KCNH8: variants seen among roughly 807,000 people sequenced by gnomAD.
KCNH8 encodes voltage-gated delayed rectifier potassium channel KCNH8.
A neutral mutation model predicts 103.6 loss-of-function variants in KCNH8; 70 were observed. The observed-to-expected ratio is 0.68, with a 90% CI of 0.56 to 0.82. The LOEUF (loss-of-function observed/expected upper bound fraction) is 0.82. Among genes scored for constraint, KCNH8 ranks in the 40% least tolerant of loss-of-function variants. KCNH8 has a pLI of 0.00. For synonymous variants in KCNH8, 498 were observed against 489.4 expected, an observed-to-expected ratio of 1.02 and a Z score of -0.23; for missense variants, 1,217 against 1,329.9, an observed-to-expected ratio of 0.92 and a Z score of 1.32.
chr3:19,501,472 A>G (rs935005077), intron 11 of KCNH8, among the ~76,000 whole-genome samples: 8 of 152,004 alleles, frequency 5.3e-5, no homozygotes, highest in African/African-American at 1.7e-4. Context: ...AGACACAACC[A>G]AAAAAGAGAA....
chr3:19,471,737 C>A lies in KCNH8; in HGVS notation c.2040+14755C>A, dbSNP rs188949304. On this transcript the variant is annotated intron_variant, in intron 11 of 15. Transcript: ENST00000328405. Reference sequence around the variant, plus strand: ...GGAGATCAATTACTGGAATTTAAGTCCCAAACCACCTGACTTCAAAACCCA... The same window carrying A: ...GGAGATCAATTACTGGAATTTAAGTACCAAACCACCTGACTTCAAAACCCA... Among the ~76,000 whole-genome samples, 474 of 152,218 alleles carry A rather than the reference C, an allele frequency of 3.1e-3. 4 individuals are homozygous for A. Among genetic ancestry groups the A allele is most frequent in the African/African-American group, 0.01 (432 of 41,530 alleles).
rs908746861 is a variant in KCNH8 at position 19,398,622 on chromosome 3, C to T, written c.1177+3311C>T. 3.3e-5 allele frequency among the ~76,000 whole-genome samples: 5 copies of T among 151,844 alleles called. No individual in the cohort carries two copies. The East Asian group carries it at 5.8e-4, about 18-fold the overall frequency. On this transcript the variant is annotated intron_variant, in intron 7 of 15. Transcript: ENST00000328405. Reference sequence around the variant, plus strand: ...GAACAGTGATCCTTTGAACATAGAGCGCCACCAAACAGTGGGAGATGTTTC... The same window carrying T: ...GAACAGTGATCCTTTGAACATAGAGTGCCACCAAACAGTGGGAGATGTTTC...
chr3:19,300,150 G>A (rs898357749), intron 3 of KCNH8, among the ~76,000 whole-genome samples: 1 of 151,980 alleles, frequency 6.6e-6, no homozygotes, highest in Non-Finnish European at 1.5e-5. Flanking sequence ...TCGGGAGGCT[G>A]AGGCAGGAGA....
chr3:19,514,486 AAAG>A (rs1213610560), intron 13 of KCNH8, among the ~76,000 whole-genome samples: 1 of 151,976 alleles, frequency 6.6e-6, no homozygotes, highest in Admixed American at 6.6e-5. Context: ...ACATTTATAA[AAAG>A]AATATATGTT....
chr3:19,238,445 C>A (rs2064092595), intron 1 of KCNH8, among the ~76,000 whole-genome samples: 1 of 152,054 alleles, frequency 6.6e-6, no homozygotes, highest in African/African-American at 2.4e-5. Flanking sequence ...AAAAAAATAT[C>A]CAGGAAGTAG....
At chr3:19,149,325 T>C (rs2063105629) in intron 1 of KCNH8, among the ~76,000 whole-genome samples, 1 of 152,144 alleles carries the variant, frequency 6.6e-6, no homozygotes, top group African/African-American at 2.4e-5. Context: ...GTCAGAACCT[T>C]GATTCCTGCT....
intron 11 of KCNH8, among the ~76,000 whole-genome samples, chr3:19,491,070 A>G (rs1053199408): frequency 6.6e-6 from 1 of 152,258 alleles, no homozygotes. Context: ...TTTTTTAAGC[A>G]TAAGTGATTA....
At chr3:19,185,503 A>G (rs1031318180) in intron 1 of KCNH8, among the ~76,000 whole-genome samples, 1 of 151,920 alleles carries the variant, frequency 6.6e-6, no homozygotes, top group East Asian at 1.9e-4. Flanking sequence ...GAGTTCTAAT[A>G]TGGATGAGTC....
chr3:19,421,373 A>T (rs568270733), intron 7 of KCNH8, among the ~76,000 whole-genome samples: 2 of 152,176 alleles, frequency 1.3e-5, no homozygotes, highest in South Asian at 4.1e-4. Flanking sequence ...CCCTAAGGAC[A>T]TTTCTATTGT....
intron 3 of KCNH8, among the ~76,000 whole-genome samples, chr3:19,301,728 G>GC (rs2065066896): frequency 6.6e-6 from 1 of 152,128 alleles, no homozygotes; most frequent in African/African-American, 2.4e-5. Context: ...CATTTCAGAT[G>GC]CCACCCACAA....
intron 1 of KCNH8, among the ~76,000 whole-genome samples, chr3:19,172,372 G>A (rs999394793): frequency 2.0e-5 from 3 of 150,036 alleles, no homozygotes; most frequent in Non-Finnish European, 4.4e-5. Context: ...TTTTTCTCCA[G>A]TGCCTTGCAG....
intron 5 of KCNH8, 140 bp from the exon 6 acceptor site, chr3:19,390,341 A>C: frequency 1.6e-6 from 1 of 642,190 alleles, no homozygotes. Flanking sequence ...TTAATTTTCT[A>C]CGATTTTCTT....
intron 1 of KCNH8, among the ~76,000 whole-genome samples, chr3:19,186,469 G>C (rs1381656590): frequency 6.6e-6 from 1 of 151,814 alleles, no homozygotes; most frequent in East Asian, 1.9e-4. Context: ...TCTGGCCCTT[G>C]TCTTTTATTC....
chr3:19,431,100 G>A (rs927203916), intron 7 of KCNH8, among the ~76,000 whole-genome samples: 3 of 152,134 alleles, frequency 2.0e-5, no homozygotes, highest in Admixed American at 6.5e-5. Flanking sequence ...TGCCCATTCA[G>A]CCTGATGTTG....
chr3:19,343,996 T>TTC (rs2065696609), intron 4 of KCNH8, among the ~76,000 whole-genome samples: 1 of 151,454 alleles, frequency 6.6e-6, no homozygotes, highest in Non-Finnish European at 1.5e-5. Flanking sequence ...TTTTTTTTTT[T>TTC]TTTGGTCCTA....
intron 2 of KCNH8, among the ~76,000 whole-genome samples, chr3:19,280,515 T>C (rs2064741662): frequency 6.6e-6 from 1 of 152,130 alleles, no homozygotes. Flanking sequence ...CAAATTCTTA[T>C]TGCATTCTAT....
intron 1 of KCNH8, among the ~76,000 whole-genome samples, chr3:19,193,136 T>TA (rs2063569453): frequency 6.6e-6 from 1 of 151,696 alleles, no homozygotes; most frequent in Admixed American, 6.6e-5. Context: ...TTATTATACT[T>TA]AAAGTTTTAG....
At chr3:19,219,998 C>A (rs1575445815) in intron 1 of KCNH8, among the ~76,000 whole-genome samples, 1 of 152,338 alleles carries the variant, frequency 6.6e-6, no homozygotes, top group African/African-American at 2.4e-5. Context: ...ACAGACGTTA[C>A]ATCTACTTGC....
At chr3:19,277,323 G>A (rs2064688493) in intron 2 of KCNH8, among the ~76,000 whole-genome samples, 1 of 152,132 alleles carries the variant, frequency 6.6e-6, no homozygotes, top group South Asian at 2.1e-4. Context: ...AGTGCTTTGA[G>A]AGGCCAAGGT....
Sources: gnomAD v4.1 joint callset for allele counts (sites outside exome capture counted in the v4.1 genomes callset) on GRCh38, gnomAD v4.1.1 for gene constraint, MANE v1.5 for transcripts, NCBI Gene and HGNC (gene_info 2026-07-23, HGNC 2026-07-21) for gene names.